Variants in EEF1B2 observed in about 807,000 individuals in gnomAD.
The protein encoded by EEF1B2 is eukaryotic translation elongation factor 1 beta 2.
A neutral mutation model predicts 28.3 loss-of-function variants in EEF1B2; 12 were observed. That is an observed-to-expected ratio of 0.42 (90% CI 0.27 to 0.69). EEF1B2 has a LOEUF of 0.69. EEF1B2 is among the 30% of genes least tolerant of loss of function. EEF1B2 has a pLI of 0.22. For synonymous variants in EEF1B2, 83 were observed against 99.9 expected, an observed-to-expected ratio of 0.83 and a Z score of 1.01; for missense variants, 234 against 272.6, an observed-to-expected ratio of 0.86 and a Z score of 1.00.
intron 3 of EEF1B2, chr2:206,161,787 T>G: frequency 1.7e-6 from 1 of 596,536 alleles, no homozygotes; most frequent in Non-Finnish European, 3.0e-6. Flanking sequence ...AAAAAAAGAA[T>G]ACATCGATCA....
upstream of EEF1B2, chr2:206,159,728 C>G: frequency 2.5e-6 from 1 of 402,816 alleles, no homozygotes; most frequent in Non-Finnish European, 4.5e-6. Context: ...TACTTCCAAA[C>G]GCAACGAAAG....
chr2:206,161,015 T>C (rs1687913514), intron 2 of EEF1B2: 16 of 639,824 alleles, frequency 2.5e-5, no homozygotes, highest in South Asian at 2.2e-4. Context: ...GCCATTCTTC[T>C]GAAACTGCCA....
At chr2:206,161,644 A>G (rs1230830302) in intron 3 of EEF1B2, among the ~76,000 whole-genome samples, 172 bp downstream of exon 3, 1 of 152,110 alleles carries the variant, frequency 6.6e-6, no homozygotes, top group Non-Finnish European at 1.5e-5. Flanking sequence ...TGTGGCAGGC[A>G]TCTGTAATCC....
chr2:206,161,375 A>G lies in EEF1B2; in HGVS notation c.233A>G (p.Lys78Arg), dbSNP rs752109726. ...CCAGGAGTGAAGAAAGCTTTGGGCA[A>G]ATATGGTCCTGCCGATGTGGAAGAC... ...SLPGVKKALG[K>R]YGPADVEDTT... The change falls in exon 3 of 6, where the codon AAA becomes AGA. Residue 78 changes from lysine to arginine, a missense_variant. Coordinates refer to ENST00000392222, the MANE Select transcript of EEF1B2 (RefSeq NM_001959.4). The G allele has an allele frequency of 1.9e-6, 3 of 1,614,040 alleles. No homozygotes were observed. In the East Asian group the frequency reaches 6.7e-5, roughly 36 times the overall value.
rs1687851802 is a variant in EEF1B2, at chr2:206,159,926, C to G, written c.-54C>G. On this transcript the variant is annotated 5_prime_UTR_variant, in exon 1 of 6. Transcript: ENST00000392222. ...TCCTCTCTTCAGCGTGGGGCGCCCA[C>G]AATTTGCGCGCTCTCTTTCTGCTGC... 6.3e-7 allele frequency: 1 copy of G among 1,590,410 alleles called. No homozygotes were observed. Among genetic ancestry groups the G allele is most frequent in the South Asian group, 1.1e-5 (1 of 89,260 alleles).
In EEF1B2 at chr2:206,160,601, C is replaced by G; in HGVS notation, c.94C>G (p.Gln32Glu). 1 of 1,614,034 alleles carries G rather than the reference C, an allele frequency of 6.2e-7. No individual in the cohort carries two copies. Among genetic ancestry groups the G allele is most frequent in the Non-Finnish European group, 8.5e-7 (1 of 1,180,022 alleles). Residue 32 changes from glutamine to glutamate, a missense_variant, in exon 2 of 6, where the codon CAA (glutamine) becomes GAA (glutamate). Physicochemically the swap from Gln to Glu is conservative, Grantham distance 29. Coordinates refer to ENST00000392222, the MANE Select transcript of EEF1B2 (RefSeq NM_001959.4). ...TGTCCTTGGCAGGTATGTGCCATCA[C>G]AAGCAGATGTGGCAGTATTTGAAGC... is the stretch of plus-strand genomic sequence containing the variant. ...KSYIEGYVPS[Q>E]ADVAVFEAVS...
Position 206,162,758 on chromosome 2 carries a change from A to G in EEF1B2, c.553A>G (p.Lys185Glu). 1 of 1,613,278 alleles carries G rather than the reference A, an allele frequency of 6.2e-7. No homozygotes were observed. The highest frequency in any genetic ancestry group is 1.1e-5 in the South Asian group (1 of 90,996). ...ACTAGTTCCAGTGGGATACGGAATTAAGAAACTTCAAATACAGTGTGTAGT... is the reference window on the plus strand; with the variant it reads ...ACTAGTTCCAGTGGGATACGGAATTGAGAAACTTCAAATACAGTGTGTAGT... ...SKLVPVGYGIKKLQIQCVVED... is the reference protein window; with the variant it reads ...SKLVPVGYGIEKLQIQCVVED... The change falls in exon 6 of 6, where the codon AAG becomes GAG. Residue 185 changes from lysine (K) to glutamate (E), a missense_variant. By Grantham distance (56) the Lys-to-Glu change is moderately conservative (BLOSUM62 1). Around this residue, in one of 2 missense-constraint regions of EEF1B2, gnomAD observed 56 missense variants for 99.3 expected, o/e 0.56. Coordinates refer to ENST00000392222, the MANE Select transcript of EEF1B2 (RefSeq NM_001959.4).
chr2:206,159,973 C>T lies in EEF1B2; in HGVS notation c.-7C>T, dbSNP rs1687855307. The T allele has an allele frequency of 6.2e-7, 1 of 1,611,582 alleles. No homozygotes were observed. ...CTGCTCCCCAGCTCTCGGATACAGC[C>T]GACACCATGGGTTTCGGAGACCTGA... is the stretch of plus-strand genomic sequence containing the variant. On this transcript the variant is annotated 5_prime_UTR_variant, in exon 1 of 6. Transcript: ENST00000392222.
At position 206,162,792 on chromosome 2, in the gene EEF1B2, A is replaced by T; in HGVS notation, c.587A>T (p.Asp196Val). 1 of 1,610,744 alleles carries T rather than the reference A, an allele frequency of 6.2e-7. No individual in the cohort carries two copies. The change falls in exon 6 of 6, where the codon GAT (aspartate) becomes GTT (valine). Residue 196 changes from aspartate to valine, a missense_variant. Coordinates refer to ENST00000392222, the MANE Select transcript of EEF1B2 (RefSeq NM_001959.4). Reference protein sequence around the residue: ...KLQIQCVVEDDKVGTDMLEEQ... With the variant: ...KLQIQCVVEDVKVGTDMLEEQ... ...CAAATACAGTGTGTAGTTGAAGATG[A>T]TAAAGTTGGAACAGATATGCTGGAG... is the stretch of plus-strand genomic sequence containing the variant.
chr2:206,161,405 C>T lies in EEF1B2; in HGVS notation c.263C>T (p.Thr88Ile), dbSNP rs1687925878. Residue 88 changes from threonine to isoleucine, a missense_variant, in exon 3 of 6, where the codon ACA becomes ATA. Around this residue, in one of 2 missense-constraint regions of EEF1B2, gnomAD observed 178 missense variants for 173.3 expected, o/e 1.03. Transcript: ENST00000392222. ...KYGPADVEDT[T>I]GSGATDSKDD... Reference sequence around the variant, plus strand: ...GGTCCTGCCGATGTGGAAGACACTACAGGAAGTGGAGCTACAGATAGTAAA... The same window carrying T: ...GGTCCTGCCGATGTGGAAGACACTATAGGAAGTGGAGCTACAGATAGTAAA... The T allele has an allele frequency of 3.6e-5, 58 of 1,613,970 alleles. No homozygotes were observed. Among genetic ancestry groups the T allele is most frequent in the Non-Finnish European group, 4.9e-5 (58 of 1,179,982 alleles).
At chr2:206,160,191 A>T (rs1229774318) in intron 1 of EEF1B2, 132 bp downstream of exon 1, 10 of 1,202,630 alleles carry the variant, frequency 8.3e-6, no homozygotes, top group Non-Finnish European at 9.2e-6. Flanking sequence ...GGGAGGGGAA[A>T]GCGCCCCGTT....
chr2:206,162,161 CT>C, intron 4 of EEF1B2, 57 bp downstream of exon 4: 1 of 1,539,646 alleles, frequency 6.5e-7, no homozygotes, highest in South Asian at 1.1e-5. Flanking sequence ...TTTTTCAAAG[CT>C]TGACCTTGAA....
At chr2:206,162,344 T>C (rs2105787107) in intron 4 of EEF1B2, 145 bp from the exon 5 acceptor site, 1 of 1,347,816 alleles carries the variant, frequency 7.4e-7, no homozygotes, top group East Asian at 2.3e-5. Context: ...TGGGTATATA[T>C]GTGTGACAGA....
In EEF1B2 at chr2:206,162,548, A is replaced by G. The variant is rs1182410683; in HGVS notation, c.457A>G (p.Thr153Ala). 4.3e-6 allele frequency: 7 copies of G among 1,613,248 alleles called. No homozygotes were observed. The highest frequency in any genetic ancestry group is 5.9e-6 in the Non-Finnish European group (7 of 1,180,044). ...AGATGTGAAACCTTGGGATGATGAG[A>G]CAGATATGGCGAAATTAGAGGAGTG... ...LLDVKPWDDE[T>A]DMAKLEECVR... is the part of the protein sequence containing the mutation. Residue 153 changes from threonine to alanine, a missense_variant, in exon 5 of 6, where the codon ACA becomes GCA. Thr to Ala is a moderately conservative substitution (Grantham distance 58). Transcript: ENST00000392222.
At chr2:206,160,565 G>A (rs901891214) in intron 1 of EEF1B2, 23 bp from the exon 2 acceptor site, 1 of 1,613,900 alleles carries the variant, frequency 6.2e-7, no homozygotes, top group Middle Eastern at 1.7e-4. Context: ...AGGTGTGTGT[G>A]AATGTTTCTG....
chr2:206,162,328 A>G (rs774570428), intron 4 of EEF1B2, 161 bp from the exon 5 acceptor site: 7 of 1,283,606 alleles, frequency 5.5e-6, no homozygotes, highest in Non-Finnish European at 7.9e-6. Context: ...TTAGCAAAAC[A>G]GAAAGTGGGT....
In EEF1B2 at chr2:206,162,042, G is replaced by C. The variant is rs745750550; in HGVS notation, c.335G>C (p.Ser112Thr). The C allele has an allele frequency of 6.2e-6, 10 of 1,614,016 alleles. No homozygotes were observed. The South Asian group carries it at 8.8e-5, about 14-fold the overall frequency. ...ATTAATTTTTTTTCTTTACAGGAAA[G>C]TGAAGAAGCAAAGAGGCTAAGGGAA... is the stretch of plus-strand genomic sequence containing the variant. ...DLFGSDDEEE[S>T]EEAKRLREER... The change falls in exon 4 of 6, where the codon AGT becomes ACT. Residue 112 changes from serine (S) to threonine (T), a missense_variant. By Grantham distance (58) the Ser-to-Thr change is moderately conservative. Transcript: ENST00000392222.
At chr2:206,161,925 C>G (rs370161702) in intron 3 of EEF1B2, 113 bp from the exon 4 acceptor site, 1 of 877,824 alleles carries the variant, frequency 1.1e-6, no homozygotes. Context: ...CGGCTGAGTT[C>G]GTGATGGATT....
At chr2:206,160,220 C>A (rs1209573034) in intron 1 of EEF1B2, among the ~76,000 whole-genome samples, 161 bp downstream of exon 1, 2 of 152,156 alleles carry the variant, frequency 1.3e-5, no homozygotes, top group East Asian at 1.9e-4. Context: ...CCAAGGCCCT[C>A]GTGTGGGGCG....
Sources: gnomAD v4.1 joint callset for allele counts (sites outside exome capture counted in the v4.1 genomes callset) on GRCh38, gnomAD v4.1.1 for gene constraint, gnomAD v4.1.1 regional missense constraint, MANE v1.5 for transcripts, NCBI Gene and HGNC (gene_info 2026-07-23, HGNC 2026-07-21) for gene names.